Variants in MYEF2 observed in about 807,000 individuals in gnomAD.
MYEF2 encodes myelin gene expression factor 2.
In MYEF2, 37 loss-of-function variants were observed where a neutral mutation model predicts 75.2. That is an observed-to-expected ratio of 0.49 (90% confidence interval 0.38 to 0.65). MYEF2 has a LOEUF of 0.65. Among genes scored for constraint, MYEF2 ranks in the 30% least tolerant of loss-of-function variants. The pLI is 0.00. For missense variants in MYEF2, 634 were observed against 771.4 expected (o/e 0.82, Z 2.11); for synonymous variants, 195 against 241.6 (o/e 0.81, Z 1.79).
intron 1 of MYEF2, among the ~76,000 whole-genome samples, chr15:48,172,445 AC>A (rs2040377390): frequency 6.6e-6 from 1 of 151,630 alleles, no homozygotes; most frequent in African/African-American, 2.4e-5. Context: ...CTAACTTTAC[AC>A]CTCAAGGAAC....
At chr15:48,155,202 A>T (rs2039648029) in intron 9 of MYEF2, among the ~76,000 whole-genome samples, 1 of 151,992 alleles carries the variant, frequency 6.6e-6, no homozygotes, top group African/African-American at 2.4e-5. Flanking sequence ...CTGAAACAGT[A>T]AAAAAATAGG....
At chr15:48,148,843 C>T (rs2039386186) in intron 16 of MYEF2, among the ~76,000 whole-genome samples, 189 bp downstream of exon 16, 1 of 151,902 alleles carries the variant, frequency 6.6e-6, no homozygotes, top group Admixed American at 6.6e-5. Context: ...GTAGTAATAG[C>T]ACTGCTCTAA....
intron 16 of MYEF2, 40 bp downstream of exon 16, chr15:48,148,992 T>C (rs766121519): frequency 6.9e-6 from 11 of 1,604,838 alleles, no homozygotes; most frequent in East Asian, 2.2e-5. Context: ...TTTTCCTCCA[T>C]AATCAATATC....
At chr15:48,169,480 T>C (rs1455764132) in intron 1 of MYEF2, among the ~76,000 whole-genome samples, 1 of 152,200 alleles carries the variant, frequency 6.6e-6, no homozygotes, top group African/African-American at 2.4e-5. Context: ...CATTTTAACC[T>C]ATAAACTAGA....
chr15:48,157,364 G>A (rs1477012114), intron 9 of MYEF2: 1 of 151,958 alleles, frequency 6.6e-6, no homozygotes, highest in Admixed American at 6.6e-5. Context: ...TAACCCATGA[G>A]AACTGTAAAT....
intron 1 of MYEF2, among the ~76,000 whole-genome samples, chr15:48,177,387 ACT>A (rs2040572389): frequency 6.6e-6 from 1 of 151,200 alleles, no homozygotes; most frequent in Non-Finnish European, 1.5e-5. Flanking sequence ...ATAATCATAC[ACT>A]GAGTTAAAAA....
chr15:48,152,356 A>C (rs2039523140), intron 10 of MYEF2, 72 bp from the exon 11 acceptor site: 1 of 1,235,912 alleles, frequency 8.1e-7, no homozygotes, highest in Non-Finnish European at 1.2e-6. Flanking sequence ...ATAATGCATT[A>C]TAGCAAAATA....
intron 14 of MYEF2, among the ~76,000 whole-genome samples, chr15:48,150,697 T>C (rs922454630): frequency 1.3e-5 from 2 of 152,008 alleles, no homozygotes; most frequent in African/African-American, 4.8e-5. Context: ...GTGCTATATC[T>C]GCATTTACCA....
rs1353642543 is a variant in MYEF2 at position 48,149,433 on chromosome 15, A to C, written c.1379-62T>G. ...TTTGTGTTTTTGTTTCAAAAACATA[A>C]GGAAAAGGAGAAGAGGAGAAAGGAG... On this transcript the variant is annotated intron_variant, in intron 14 of 16. Transcript: ENST00000324324. This position sits in a 1 kb window ranked among gnomAD's most constrained non-coding sequence, Gnocchi z 4.0. The C allele has an allele frequency of 2.9e-5, 43 of 1,489,890 alleles. No homozygotes were observed. The highest frequency in any genetic ancestry group is 3.9e-5 in the Non-Finnish European group (42 of 1,072,438). 92.3% of individuals were successfully genotyped at this position (1,489,890 alleles called of 1,614,324 possible).
At position 48,158,167 on chromosome 15, in the gene MYEF2, G is replaced by T. The variant is rs1312506941; in HGVS notation, c.921+8C>A. 1 of 1,612,698 alleles carries T rather than the reference G, an allele frequency of 6.2e-7. No individual in the cohort carries two copies. The highest frequency in any genetic ancestry group is 8.5e-7 in the Non-Finnish European group (1 of 1,179,256). ...GGTTGGAGGTTGAAGTGATATACAG[G>T]AACTCACCATTTTCACATGCATAGG... On this transcript the variant is annotated splice_region_variant and intron_variant, in intron 8 of 16. Coordinates refer to ENST00000324324, the MANE Select transcript of MYEF2 (RefSeq NM_016132.5).
intron 5 of MYEF2, among the ~76,000 whole-genome samples, chr15:48,160,486 T>TACATACACACACACACACAC (rs200591805): frequency 1.4e-3 from 197 of 139,308 alleles, no homozygotes; most frequent in African/African-American, 4.9e-3. Context: ...AAACCAAACA[T>TACATACACACACACACACAC]ACACACACAC....
At chr15:48,143,817 C>A (rs1362143713) in intron 16 of MYEF2, among the ~76,000 whole-genome samples, 1 of 151,932 alleles carries the variant, frequency 6.6e-6, no homozygotes, top group South Asian at 2.1e-4. Context: ...TCTAGAGACT[C>A]GTATTTGAAG....
intron 1 of MYEF2, among the ~76,000 whole-genome samples, chr15:48,172,979 A>G (rs1597360341): frequency 6.6e-6 from 1 of 152,324 alleles, no homozygotes; most frequent in East Asian, 1.9e-4. Context: ...ACATGAGGAA[A>G]GTCTTTCAAA....
At chr15:48,172,400 C>CAA (rs1226662209) in intron 1 of MYEF2, among the ~76,000 whole-genome samples, 2 of 84,972 alleles carry the variant, frequency 2.4e-5, no homozygotes, top group South Asian at 3.8e-4. Context: ...GACTCTGTAT[C>CAA]AAAAAAAAAA....
chr15:48,137,037 A>C lies in MYEF2; in HGVS notation c.*5871T>G. 6.9e-7 allele frequency: 1 copy of C among 1,454,672 alleles called. No homozygotes were observed. The highest frequency in any genetic ancestry group is 1.4e-5 in the South Asian group (1 of 72,410). The allele number at this position is 1,454,672 out of a possible 1,614,324, so 90.1% of individuals were successfully genotyped here. On this transcript the variant is annotated 3_prime_UTR_variant, in exon 17 of 17. Coordinates refer to ENST00000324324, the MANE Select transcript of MYEF2 (RefSeq NM_016132.5). ...CTTTAAAATTTCATTTCAATTCAGC[A>C]AGTATTGTGTGCTTTTTATGTAAAA...
chr15:48,173,968 C>G (rs2040425219), intron 1 of MYEF2, among the ~76,000 whole-genome samples: 1 of 152,098 alleles, frequency 6.6e-6, no homozygotes, highest in Admixed American at 6.5e-5. Context: ...ATTCTAACAG[C>G]ATTTTTCACA....
chr15:48,176,219 T>TAAAAAA (rs1023560411), intron 1 of MYEF2, among the ~76,000 whole-genome samples: 2 of 63,102 alleles, frequency 3.2e-5, no homozygotes, highest in Admixed American at 1.7e-4. Flanking sequence ...GTTCACGAAG[T>TAAAAAA]AAAAAAAAAA....
At position 48,135,039 on chromosome 15, in the gene MYEF2, G is replaced by A; in HGVS notation, c.*7869C>T. 2 of 1,383,812 alleles carry A rather than the reference G, an allele frequency of 1.4e-6. No individual in the cohort carries two copies. Among genetic ancestry groups the A allele is most frequent in the Non-Finnish European group, 2.0e-6 (2 of 981,580 alleles). 85.7% of individuals were successfully genotyped at this position (1,383,812 alleles called of 1,614,324 possible). A position where few individuals can be genotyped will look rare whatever the true frequency, so the allele number is the denominator to read the frequency against. On this transcript the variant is annotated 3_prime_UTR_variant, in exon 17 of 17. Transcript: ENST00000324324. The stretch of plus-strand genomic sequence containing the variant: ...ATTAGAGATTTTATGAATTTCTGAT[G>A]GTTCAGTAATTTTTTTTCAGAAATG...
intron 7 of MYEF2, 38 bp from the exon 8 acceptor site, chr15:48,158,262 A>G: frequency 6.3e-7 from 1 of 1,585,002 alleles, no homozygotes; most frequent in Non-Finnish European, 8.6e-7. Context: ...TAAGATAACT[A>G]TAAAATTATA....
Sources: gnomAD v4.1 joint callset for allele counts (sites outside exome capture counted in the v4.1 genomes callset) on GRCh38, gnomAD v4.1.1 for gene constraint, Gnocchi (gnomAD v3.1) non-coding constraint, MANE v1.5 for transcripts, NCBI Gene and HGNC (gene_info 2026-07-23, HGNC 2026-07-21) for gene names.